MANBA: variants seen among roughly 807,000 people sequenced by gnomAD.
MANBA encodes the protein mannosidase beta.
A neutral mutation model predicts 111.1 loss-of-function variants in MANBA; 83 were observed. The observed-to-expected ratio is 0.75, with a 90% CI of 0.63 to 0.90. The LOEUF is 0.90. Among genes scored for constraint, MANBA ranks in the 40% least tolerant of loss-of-function variants. The pLI, the probability that MANBA is intolerant of heterozygous loss-of-function variation, is 0.00. For synonymous variants in MANBA, 370 were observed against 378.7 expected, an observed-to-expected ratio of 0.98 and a Z score of 0.27; for missense variants, 1,036 against 1,069.0, an observed-to-expected ratio of 0.97 and a Z score of 0.43.
intron 9 of MANBA, among the ~76,000 whole-genome samples, chr4:102,669,479 A>G (rs1731389007): frequency 6.6e-6 from 1 of 152,224 alleles, no homozygotes. Context: ...CAAAAGGATT[A>G]CTACATGCAC....
chr4:102,695,197 C>T (rs760180994), intron 5 of MANBA, among the ~76,000 whole-genome samples: 7 of 151,934 alleles, frequency 4.6e-5, no homozygotes, highest in Non-Finnish European at 8.8e-5. Context: ...TTCTCAAATA[C>T]GCCAGCTTCC....
At chr4:102,652,851 C>T (rs1399641323) in intron 12 of MANBA, among the ~76,000 whole-genome samples, 2 of 152,242 alleles carry the variant, frequency 1.3e-5, no homozygotes, top group African/African-American at 2.4e-5. Context: ...GTTGTGATCA[C>T]GCCACTGCAC....
intron 13 of MANBA, among the ~76,000 whole-genome samples, chr4:102,644,760 G>A (rs921161822): frequency 1.3e-5 from 2 of 152,038 alleles, no homozygotes; most frequent in African/African-American, 4.8e-5. Context: ...TAGATTTTAA[G>A]TGTTCTCACT....
intron 5 of MANBA, among the ~76,000 whole-genome samples, chr4:102,707,917 AG>A (rs893897601): frequency 6.6e-6 from 1 of 152,196 alleles, no homozygotes; most frequent in African/African-American, 2.4e-5. Context: ...CAGACAAAAA[AG>A]GTCACTATAT....
At chr4:102,727,394 G>A in intron 1 of MANBA, 1 of 876,184 alleles carries the variant, frequency 1.1e-6, no homozygotes, top group South Asian at 1.4e-5. Flanking sequence ...GCTCACTGAT[G>A]AATCAGGAGG....
chr4:102,690,960 G>A (rs937557010), intron 5 of MANBA, 189 bp from the exon 6 acceptor site: 1 of 193,886 alleles, frequency 5.2e-6, no homozygotes, highest in East Asian at 1.2e-4. Flanking sequence ...CCTTCATTCT[G>A]AAGAAGAATA....
chr4:102,760,942 T>A lies in MANBA; in HGVS notation c.-48A>T, dbSNP rs536432914. The A allele has an allele frequency of 5.9e-6, 9 of 1,520,058 alleles. No homozygotes were observed. The highest frequency in any genetic ancestry group is 8.0e-6 in the Non-Finnish European group (9 of 1,131,442). The allele number at this position is 1,520,058 out of a possible 1,614,324, so 94.2% of individuals were successfully genotyped here. A position where few individuals can be genotyped will look rare whatever the true frequency, so the allele number is the denominator to read the frequency against. On this transcript the variant is annotated 5_prime_UTR_variant, in exon 1 of 17. Transcript: ENST00000647097. The stretch of plus-strand genomic sequence containing the variant: ...ATGTGGAGAGATCGAAAGGCAGCGC[T>A]GCAAGGGACCGGCGGTGAAGCCACT...
chr4:102,754,851 G>A (rs914227251), intron 1 of MANBA, among the ~76,000 whole-genome samples: 1 of 152,080 alleles, frequency 6.6e-6, no homozygotes, highest in East Asian at 1.9e-4. Context: ...CACTGTGCCT[G>A]CCCAAGAGTT....
intron 13 of MANBA, among the ~76,000 whole-genome samples, chr4:102,643,485 G>T (rs984883893): frequency 6.6e-6 from 1 of 152,202 alleles, no homozygotes; most frequent in Non-Finnish European, 1.5e-5. Context: ...ACTGTTTACC[G>T]CAGCAGCTGA....
chr4:102,715,058 C>T (rs1439351761), intron 4 of MANBA, among the ~76,000 whole-genome samples: 1 of 152,208 alleles, frequency 6.6e-6, no homozygotes, highest in African/African-American at 2.4e-5. Flanking sequence ...CCACCATACA[C>T]AGCCTCTGAG....
chr4:102,705,710 C>T (rs1384072383), intron 5 of MANBA, among the ~76,000 whole-genome samples: 2 of 152,162 alleles, frequency 1.3e-5, no homozygotes, highest in East Asian at 3.9e-4. Flanking sequence ...CCTATGCCTG[C>T]CTACCACAGC....
At chr4:102,714,700 G>A (rs1722246976) in intron 4 of MANBA, 139 bp from the exon 5 acceptor site, 2 of 841,054 alleles carry the variant, frequency 2.4e-6, no homozygotes, top group South Asian at 1.6e-5. Context: ...CACAAACTAA[G>A]TGGTTTAAAC....
chr4:102,701,037 G>A (rs1342568779), intron 5 of MANBA, among the ~76,000 whole-genome samples: 2 of 151,960 alleles, frequency 1.3e-5, no homozygotes, highest in Non-Finnish European at 2.9e-5. Flanking sequence ...ATGAATCTGG[G>A]TGCTCCTGTA....
rs1262564574 is a variant in MANBA at position 102,719,143 on chromosome 4, C to A, written c.549+3728G>T. On this transcript the variant is annotated intron_variant, in intron 4 of 16. Coordinates refer to ENST00000647097, the MANE Select transcript of MANBA (RefSeq NM_005908.4). ...GCAGGAGACCAGGGTGTATTTCAGT[C>A]CTTATCTCAACCGCATAAGACAGAC... is the stretch of plus-strand genomic sequence containing the variant. 1.3e-5 allele frequency among the ~76,000 whole-genome samples: 2 copies of A among 152,120 alleles called. 1 individual carries two copies. The highest frequency in any genetic ancestry group is 4.1e-4 in the South Asian group (2 of 4,828).
intron 1 of MANBA, among the ~76,000 whole-genome samples, chr4:102,742,241 T>G (rs1015833544): frequency 1.8e-4 from 27 of 152,242 alleles, no homozygotes; most frequent in African/African-American, 5.8e-4. Flanking sequence ...TCATTGTGTC[T>G]CCTGGTGGCA....
intron 4 of MANBA, among the ~76,000 whole-genome samples, chr4:102,715,412 T>A (rs960277622): frequency 1.6e-4 from 24 of 152,200 alleles, no homozygotes; most frequent in African/African-American, 5.8e-4. Context: ...TCAACTCAGA[T>A]TCCTAACTAA....
intron 5 of MANBA, among the ~76,000 whole-genome samples, chr4:102,702,333 G>T (rs1035833754): frequency 6.6e-6 from 1 of 151,794 alleles, no homozygotes; most frequent in Admixed American, 6.6e-5. Context: ...TAGTTTGATC[G>T]CCTGAAGCCT....
chr4:102,658,270 G>C (rs935525762), intron 11 of MANBA, among the ~76,000 whole-genome samples: 6 of 152,102 alleles, frequency 3.9e-5, no homozygotes, highest in Non-Finnish European at 5.9e-5. Context: ...CTGGGGTTGG[G>C]GGTGTCTTAT....
intron 1 of MANBA, among the ~76,000 whole-genome samples, chr4:102,745,857 A>G (rs1182003935): frequency 6.6e-6 from 1 of 152,160 alleles, no homozygotes; most frequent in East Asian, 1.9e-4. Flanking sequence ...AAACTCAAGC[A>G]GTTCTTTTCT....
Sources: gnomAD v4.1 joint callset for allele counts (sites outside exome capture counted in the v4.1 genomes callset) on GRCh38, gnomAD v4.1.1 for gene constraint, MANE v1.5 for transcripts, NCBI Gene and HGNC (gene_info 2026-07-23, HGNC 2026-07-21) for gene names.